Variants in LTBP1 observed in about 807,000 individuals in gnomAD.
LTBP1 encodes the protein latent-transforming growth factor beta-binding protein 1.
In LTBP1, 129 loss-of-function variants were observed where a neutral mutation model predicts 207.6. That is an observed-to-expected ratio of 0.62 (90% confidence interval 0.54 to 0.72). The LOEUF is 0.72. LTBP1 is among the 30% of genes least tolerant of loss of function. LTBP1 has a pLI of 0.00. For synonymous variants in LTBP1, 963 were observed against 833.7 expected, an observed-to-expected ratio of 1.16 and a Z score of -2.67; for missense variants, 2,281 against 2,217.2, an observed-to-expected ratio of 1.03 and a Z score of -0.58.
At position 33,257,293 on chromosome 2, in the gene LTBP1, A is replaced by G. The variant is rs1248753336; in HGVS notation, c.2177A>G (p.Lys726Arg). Residue 726 changes from lysine (K) to arginine (R), a missense_variant, in exon 12 of 34, where the codon AAG becomes AGG. Around this residue, in one of 3 missense-constraint regions of LTBP1, gnomAD observed 1,671 missense variants for 1,634.8 expected, o/e 1.02. Coordinates refer to ENST00000404816, the MANE Select transcript of LTBP1 (RefSeq NM_206943.4). ...KCPLPGTAAFKEICPGGMGYT... is the reference protein window; with the variant it reads ...KCPLPGTAAFREICPGGMGYT... ...CCCATCCCAAATCTAGCTGCTTTTA[A>G]GGAAATCTGTCCTGGTGGAATGGGT... 3.7e-6 allele frequency: 6 copies of G among 1,612,250 alleles called. No homozygotes were observed. Among genetic ancestry groups the G allele is most frequent in the Non-Finnish European group, 4.2e-6 (5 of 1,178,342 alleles).
chr2:33,364,073 CTT>C (rs1397773362), intron 29 of LTBP1, 141 bp from the exon 30 acceptor site: 16 of 684,496 alleles, frequency 2.3e-5, no homozygotes, highest in Non-Finnish European at 3.8e-5. Flanking sequence ...GAGCCACTCT[CTT>C]TTGGATGATA....
intron 9 of LTBP1, among the ~76,000 whole-genome samples, chr2:33,242,387 A>G (rs2092359173): frequency 6.6e-6 from 1 of 152,160 alleles, no homozygotes; most frequent in Non-Finnish European, 1.5e-5. Context: ...CTGGATCTCC[A>G]TATGCAGAGT....
chr2:33,218,367 A>G (rs1299945091), intron 8 of LTBP1, among the ~76,000 whole-genome samples: 3 of 152,162 alleles, frequency 2.0e-5, no homozygotes, highest in African/African-American at 7.2e-5. Flanking sequence ...TCAATGTAGT[A>G]TTAACTCTGG....
At chr2:33,008,614 C>T (rs1464046575) in intron 2 of LTBP1, among the ~76,000 whole-genome samples, 2 of 152,212 alleles carry the variant, frequency 1.3e-5, no homozygotes, top group Non-Finnish European at 2.9e-5. Context: ...TCCACGATTA[C>T]TAACTGATTA....
intron 3 of LTBP1, among the ~76,000 whole-genome samples, chr2:33,062,618 G>T (rs1299556096): frequency 6.6e-6 from 1 of 152,144 alleles, no homozygotes; most frequent in Admixed American, 6.6e-5. Context: ...ATATATATGT[G>T]AGTCTATTTG....
At chr2:33,166,951 A>G (rs2084972780) in intron 5 of LTBP1, among the ~76,000 whole-genome samples, 1 of 151,840 alleles carries the variant, frequency 6.6e-6, no homozygotes, top group Non-Finnish European at 1.5e-5. Flanking sequence ...ATTAACCAAC[A>G]CCCTCTACTC....
At chr2:33,054,988 A>G (rs150986281) in intron 3 of LTBP1, among the ~76,000 whole-genome samples, 148 of 152,180 alleles carry the variant, frequency 9.7e-4, no homozygotes, top group African/African-American at 3.4e-3. Context: ...AGTAAACCAC[A>G]CTGATAACAA....
chr2:33,016,285 A>G (rs1022896584), intron 2 of LTBP1, among the ~76,000 whole-genome samples: 2 of 152,166 alleles, frequency 1.3e-5, no homozygotes, highest in African/African-American at 4.8e-5. Context: ...TTAGATGTAG[A>G]TGGCCTTAAC....
At chr2:33,006,063 A>G (rs894295284) in intron 2 of LTBP1, among the ~76,000 whole-genome samples, 1 of 151,032 alleles carries the variant, frequency 6.6e-6, no homozygotes, top group African/African-American at 2.4e-5. Flanking sequence ...GTGATGACAA[A>G]TACTGGCAAG....
At chr2:33,312,770 G>GA (rs1419992637) in intron 23 of LTBP1, among the ~76,000 whole-genome samples, 1 of 151,984 alleles carries the variant, frequency 6.6e-6, no homozygotes, top group African/African-American at 2.4e-5. Flanking sequence ...CTTTTTTGAT[G>GA]AAAAAACTTT....
intron 11 of LTBP1, among the ~76,000 whole-genome samples, chr2:33,256,027 T>TC (rs1348530918): frequency 6.6e-5 from 10 of 152,066 alleles, no homozygotes; most frequent in African/African-American, 2.4e-4. Flanking sequence ...CCTTCACTAT[T>TC]CATGGGGATT....
intron 2 of LTBP1, among the ~76,000 whole-genome samples, chr2:32,955,119 G>A (rs1431698729): frequency 6.6e-6 from 1 of 152,172 alleles, no homozygotes; most frequent in African/African-American, 2.4e-5. Context: ...TGATGGAGGT[G>A]GCCCACAGTT....
chr2:33,096,666 T>G (rs1047655521), intron 3 of LTBP1, among the ~76,000 whole-genome samples: 1 of 152,182 alleles, frequency 6.6e-6, no homozygotes. Flanking sequence ...GGAGAGGAAT[T>G]TAGCAGATGA....
At chr2:33,252,942 A>C in intron 11 of LTBP1, 98 bp downstream of exon 11, 2 of 927,416 alleles carry the variant, frequency 2.2e-6, no homozygotes, top group East Asian at 5.0e-5. Context: ...TCTGACTTTA[A>C]TTTTTAATAA....
intron 5 of LTBP1, among the ~76,000 whole-genome samples, chr2:33,171,871 G>C (rs1022692239): frequency 6.6e-6 from 1 of 152,140 alleles, no homozygotes; most frequent in African/African-American, 2.4e-5. Flanking sequence ...TTAAAAAAAA[G>C]AATTTTCAAC....
intron 31 of LTBP1, among the ~76,000 whole-genome samples, chr2:33,375,559 G>T (rs1235199462): frequency 6.6e-6 from 1 of 152,078 alleles, no homozygotes; most frequent in South Asian, 2.1e-4. Context: ...ACGGAGTCTC[G>T]CTCTGTCGCC....
chr2:32,975,865 C>CT (rs1681699630), intron 2 of LTBP1, among the ~76,000 whole-genome samples: 1 of 152,030 alleles, frequency 6.6e-6, no homozygotes, highest in Non-Finnish European at 1.5e-5. Context: ...TCTCCACGAT[C>CT]TTTGTTCCTA....
intron 31 of LTBP1, among the ~76,000 whole-genome samples, chr2:33,367,643 G>C (rs1181595568): frequency 6.6e-6 from 1 of 152,200 alleles, no homozygotes; most frequent in Non-Finnish European, 1.5e-5. Context: ...TTAGGATAGT[G>C]ACCTCCAGTT....
intron 3 of LTBP1, among the ~76,000 whole-genome samples, chr2:33,049,429 A>G (rs2076614275): frequency 1.3e-5 from 2 of 152,170 alleles, no homozygotes; most frequent in Non-Finnish European, 2.9e-5. Context: ...GTCTTTTTCA[A>G]ATATCTCTTT....
Sources: allele counts gnomAD v4.1 joint callset (sites outside exome capture counted in the v4.1 genomes callset), GRCh38; gene constraint gnomAD v4.1.1; regional missense constraint gnomAD v4.1.1; transcripts MANE v1.5; gene names NCBI Gene and HGNC (gene_info 2026-07-23, HGNC 2026-07-21).